UTRN: variants seen among roughly 807,000 people sequenced by gnomAD.
UTRN encodes dystrophin-related protein 1.
Under a neutral mutation model 463.9 loss-of-function variants are expected in UTRN, and 283 were observed. The ratio of observed to expected loss-of-function variants is 0.61; its 90% CI spans 0.55 to 0.67. The LOEUF (loss-of-function observed/expected upper bound fraction) is 0.67, where lower values mean the gene tolerates loss of function less well. Among genes scored for constraint, UTRN ranks in the 30% least tolerant of loss-of-function variants. The pLI is 0.00. For synonymous variants in UTRN, 1,442 were observed against 1,431.5 expected (o/e 1.01, Z -0.17); for missense variants, 3,922 against 4,084.3 (o/e 0.96, Z 1.08).
chr6:144,632,896 T>G (rs553988891), intron 51 of UTRN, among the ~76,000 whole-genome samples: 2 of 151,840 alleles, frequency 1.3e-5, no homozygotes, highest in East Asian at 3.9e-4. Flanking sequence ...TAATTTTGTA[T>G]TTTTAGTAGA....
intron 2 of UTRN, among the ~76,000 whole-genome samples, chr6:144,337,852 T>A (rs1776855191): frequency 6.6e-6 from 1 of 152,180 alleles, no homozygotes. Flanking sequence ...TGACCTCAGG[T>A]GATCCACCCG....
chr6:144,341,606 A>G (rs1338158618), intron 2 of UTRN, among the ~76,000 whole-genome samples: 7 of 152,214 alleles, frequency 4.6e-5, no homozygotes, highest in Admixed American at 4.6e-4. Flanking sequence ...CTTAAATCAC[A>G]TCTGGTCTAA....
At chr6:144,437,449 T>G in intron 10 of UTRN, 116 bp from the exon 11 acceptor site, 1 of 1,040,156 alleles carries the variant, frequency 9.6e-7, no homozygotes, top group Non-Finnish European at 1.3e-6. Context: ...TGCGCTCTAC[T>G]AGGCTACCTT....
At chr6:144,488,537 A>G in intron 29 of UTRN, 136 bp from the exon 30 acceptor site, 1 of 727,832 alleles carries the variant, frequency 1.4e-6, no homozygotes. Context: ...ATCATTAGTA[A>G]TTATTATTTA....
chr6:144,433,483 A>G lies in UTRN; in HGVS notation c.856-2452A>G, dbSNP rs546991734. ...TTCTCAGACGGGGCGGTTGCCAGGC[A>G]GAGGGTCTCCTCACTTCCCAGACGG... On this transcript the variant is annotated intron_variant, in intron 9 of 74. Transcript: ENST00000367545. Among the ~76,000 whole-genome samples, 24 of 149,018 alleles carry G rather than the reference A, an allele frequency of 1.6e-4. No homozygotes were observed. The South Asian group carries it at 4.8e-3, about 30-fold the overall frequency.
chr6:144,628,041 C>G (rs1776130912), intron 51 of UTRN, among the ~76,000 whole-genome samples: 1 of 152,216 alleles, frequency 6.6e-6, no homozygotes, highest in Admixed American at 6.5e-5. Context: ...CCTCGTGATC[C>G]ACCCGCCTCG....
At chr6:144,791,704 T>C (rs993503152) in intron 62 of UTRN, among the ~76,000 whole-genome samples, 3 of 152,232 alleles carry the variant, frequency 2.0e-5, no homozygotes, top group African/African-American at 7.2e-5. Context: ...CTGACACTGC[T>C]TTTTGTATCT....
chr6:144,731,861 TTTC>T (rs1451054159), intron 54 of UTRN, among the ~76,000 whole-genome samples: 1 of 110,184 alleles, frequency 9.1e-6, no homozygotes, highest in Non-Finnish European at 1.6e-5. Context: ...TATTATTTCT[TTTC>T]TTTTTCTTTT....
chr6:144,462,620 G>C (rs760077136), intron 22 of UTRN, 34 bp from the exon 23 acceptor site: 18 of 1,553,702 alleles, frequency 1.2e-5, no homozygotes, highest in Non-Finnish European at 1.6e-5. Flanking sequence ...ACACATTTTT[G>C]TGCATATTTT....
At position 144,450,729 on chromosome 6, in the gene UTRN, G is replaced by A. The variant is rs1788190689; in HGVS notation, c.2073-641G>A. ...TTAGTAATGTCTGTACTTGTTCTTT[G>A]CTGATTATCTAACCAACTCTGGTTT... On this transcript the variant is annotated intron_variant, in intron 17 of 74. Transcript: ENST00000367545. Among the ~76,000 whole-genome samples the A allele has an allele frequency of 2.0e-5, 3 of 152,248 alleles. 1 individual carries two copies. The South Asian group carries it at 6.2e-4, about 32-fold the overall frequency.
chr6:144,299,365 G>A (rs578089395), intron 2 of UTRN, among the ~76,000 whole-genome samples: 43 of 152,276 alleles, frequency 2.8e-4, no homozygotes, highest in Middle Eastern at 3.4e-3. Flanking sequence ...AAGCTACAAC[G>A]TTTATTATTT....
At chr6:144,802,547 T>C (rs1383254122) in intron 64 of UTRN, among the ~76,000 whole-genome samples, 1 of 152,208 alleles carries the variant, frequency 6.6e-6, no homozygotes, top group East Asian at 1.9e-4. Flanking sequence ...TACAAGTCAA[T>C]GTGCAGTGTC....
At chr6:144,615,568 C>A (rs1014306651) in intron 51 of UTRN, among the ~76,000 whole-genome samples, 1 of 152,126 alleles carries the variant, frequency 6.6e-6, no homozygotes, top group Non-Finnish European at 1.5e-5. Context: ...CTCTAAGTCA[C>A]GCTTGATTGC....
At chr6:144,388,034 C>T (rs1436651372) in intron 2 of UTRN, among the ~76,000 whole-genome samples, 2 of 152,116 alleles carry the variant, frequency 1.3e-5, no homozygotes, top group Admixed American at 1.3e-4. Context: ...AAGATGGGTG[C>T]ATTAAAGAAA....
chr6:144,328,716 G>A (rs1776136424), intron 2 of UTRN, among the ~76,000 whole-genome samples: 1 of 152,068 alleles, frequency 6.6e-6, no homozygotes, highest in Admixed American at 6.6e-5. Context: ...TAATAGATCA[G>A]GGTTTTTATT....
chr6:144,380,417 C>T lies in UTRN; in HGVS notation c.80-22706C>T, dbSNP rs1273089113. ...TTTAAGTTTCCTTCCTTTGGTTTGT[C>T]TAAATCTTCCTTAATAAATGGAAAT... On this transcript the variant is annotated intron_variant, in intron 2 of 74. Coordinates refer to ENST00000367545, the MANE Select transcript of UTRN (RefSeq NM_007124.3). 2.6e-5 allele frequency among the ~76,000 whole-genome samples: 4 copies of T among 152,098 alleles called. No homozygotes were observed. In the East Asian group the frequency reaches 7.7e-4, roughly 29 times the overall value.
chr6:144,687,879 A>G (rs770445877), intron 52 of UTRN, among the ~76,000 whole-genome samples: 27 of 152,102 alleles, frequency 1.8e-4, no homozygotes, highest in Non-Finnish European at 3.4e-4. Flanking sequence ...TGCTTCTTGT[A>G]TTTAGATGTC....
intron 2 of UTRN, among the ~76,000 whole-genome samples, chr6:144,339,133 T>C (rs1195588131): frequency 1.3e-5 from 2 of 152,172 alleles, no homozygotes; most frequent in Non-Finnish European, 2.9e-5. Context: ...AAAGAGGTTG[T>C]GAAACTCTTT....
intron 34 of UTRN, among the ~76,000 whole-genome samples, chr6:144,504,729 T>C (rs1186934959): frequency 6.6e-6 from 1 of 152,160 alleles, no homozygotes; most frequent in Non-Finnish European, 1.5e-5. Context: ...CTTTTTTTTG[T>C]TTTGTCTCTG....
Sources: gnomAD v4.1 joint callset for allele counts (sites outside exome capture counted in the v4.1 genomes callset) on GRCh38, gnomAD v4.1.1 for gene constraint, MANE v1.5 for transcripts, NCBI Gene and HGNC (gene_info 2026-07-23, HGNC 2026-07-21) for gene names.